RALYL: variants seen among roughly 807,000 people sequenced by gnomAD.
The protein encoded by RALYL is RNA-binding Raly-like protein.
In RALYL, 29 loss-of-function variants were observed where a neutral mutation model predicts 35.1. The ratio of observed to expected loss-of-function variants is 0.83; its 90% CI spans 0.61 to 1.13. The LOEUF is 1.13. RALYL is among the 50% of genes most tolerant of loss of function. The pLI is 0.00. For synonymous variants in RALYL, 120 were observed against 127.6 expected (o/e 0.94, Z 0.40); for missense variants, 359 against 360.4 (o/e 1.00, Z 0.03).
chr8:84,574,784 A>G (rs1455494717), intron 2 of RALYL, among the ~76,000 whole-genome samples: 1 of 152,196 alleles, frequency 6.6e-6, no homozygotes, highest in Non-Finnish European at 1.5e-5. Flanking sequence ...GGCTGAAAGT[A>G]GAATTAAGTA....
intron 1 of RALYL, among the ~76,000 whole-genome samples, chr8:84,457,220 C>T (rs879715753): frequency 2.6e-5 from 4 of 151,912 alleles, no homozygotes; most frequent in Admixed American, 2.0e-4. Flanking sequence ...GTTTTTCCCT[C>T]ACCCCTAAAT....
At chr8:84,762,106 G>T (rs923353947) in intron 2 of RALYL, among the ~76,000 whole-genome samples, 1 of 152,142 alleles carries the variant, frequency 6.6e-6, no homozygotes, top group Non-Finnish European at 1.5e-5. Flanking sequence ...TAGCTAAAGA[G>T]GAATAAAGGG....
intron 1 of RALYL, among the ~76,000 whole-genome samples, chr8:84,209,145 GA>G (rs748393117): frequency 2.3e-5 from 2 of 87,638 alleles, no homozygotes; most frequent in African/African-American, 4.3e-5. Context: ...AAAAAAAAAA[GA>G]AAAGAAAAGA....
At chr8:84,434,244 C>A (rs1373361172) in intron 1 of RALYL, among the ~76,000 whole-genome samples, 1 of 152,050 alleles carries the variant, frequency 6.6e-6, no homozygotes, top group Non-Finnish European at 1.5e-5. Context: ...GATTAGGGCC[C>A]ACCCTAATGA....
At chr8:84,876,483 AGT>A (rs1370051928) in intron 7 of RALYL, among the ~76,000 whole-genome samples, 2 of 152,348 alleles carry the variant, frequency 1.3e-5, no homozygotes, top group African/African-American at 4.8e-5. Flanking sequence ...GCCGCATATA[AGT>A]TGCCACATAT....
At chr8:84,727,782 G>A (rs1366578120) in intron 2 of RALYL, among the ~76,000 whole-genome samples, 1 of 151,932 alleles carries the variant, frequency 6.6e-6, no homozygotes, top group Admixed American at 6.6e-5. Context: ...TTTCATCCAT[G>A]TCCCTACAAA....
intron 2 of RALYL, among the ~76,000 whole-genome samples, chr8:84,765,771 A>C (rs980143535): frequency 1.3e-5 from 2 of 152,040 alleles, no homozygotes; most frequent in Non-Finnish European, 2.9e-5. Flanking sequence ...AAAGAGACAG[A>C]ATGACTTTTC....
chr8:84,477,998 C>T (rs903212230), intron 1 of RALYL, among the ~76,000 whole-genome samples: 1 of 151,888 alleles, frequency 6.6e-6, no homozygotes, highest in African/African-American at 2.4e-5. Context: ...AATAAATGAA[C>T]AGTTTTTAAA....
At chr8:84,608,655 G>T (rs1364143086) in intron 2 of RALYL, among the ~76,000 whole-genome samples, 2 of 152,120 alleles carry the variant, frequency 1.3e-5, no homozygotes, top group African/African-American at 4.8e-5. Flanking sequence ...GATAAAGTGT[G>T]CCTATCCTAA....
chr8:84,722,297 A>G (rs1379373139), intron 2 of RALYL, among the ~76,000 whole-genome samples: 1 of 152,030 alleles, frequency 6.6e-6, no homozygotes, highest in African/African-American at 2.4e-5. Flanking sequence ...AAAAAAGATA[A>G]AATTGTTAAA....
chr8:84,479,339 A>G lies in RALYL; in HGVS notation c.-23-49960A>G, dbSNP rs565208439. The stretch of plus-strand genomic sequence containing the variant: ...ATATTTTTCTCTTCCTTTCATAGAC[A>G]TTGTAATCAAAGATAGGCAACATAG... On this transcript the variant is annotated intron_variant, in intron 1 of 8. Coordinates refer to ENST00000521268, the MANE Select transcript of RALYL (RefSeq NM_173848.7). Among the ~76,000 whole-genome samples the G allele has an allele frequency of 5.9e-5, 9 of 152,174 alleles. No individual in the cohort carries two copies. In the East Asian group the frequency reaches 1.5e-3, roughly 26 times the overall value.
intron 1 of RALYL, among the ~76,000 whole-genome samples, chr8:84,452,229 A>G (rs982424929): frequency 1.5e-5 from 2 of 134,976 alleles, no homozygotes; most frequent in African/African-American, 2.8e-5. Flanking sequence ...TGTTGTTGAT[A>G]CTACTTTTTT....
chr8:84,662,774 C>T (rs1378783325), intron 2 of RALYL, among the ~76,000 whole-genome samples: 1 of 152,006 alleles, frequency 6.6e-6, no homozygotes, highest in Non-Finnish European at 1.5e-5. Context: ...TCTATTACTA[C>T]ATATTTATAT....
chr8:84,921,028 C>G lies in RALYL; in HGVS notation c.*117C>G. On this transcript the variant is annotated 3_prime_UTR_variant, in exon 9 of 9. Transcript: ENST00000521268. ...TCTTTGGTTCAATTTATATAAAAAC[C>G]CAAATAAATAAAATGGACAGTATTG... 1.8e-6 allele frequency: 1 copy of G among 542,230 alleles called. No homozygotes were observed. The highest frequency in any genetic ancestry group is 3.2e-6 in the Non-Finnish European group (1 of 316,190). 33.6% of individuals were successfully genotyped at this position (542,230 alleles called of 1,614,324 possible). A position where few individuals can be genotyped will look rare whatever the true frequency, so the allele number is the denominator to read the frequency against.
intron 1 of RALYL, among the ~76,000 whole-genome samples, chr8:84,357,098 C>T (rs1337394457): frequency 6.6e-6 from 1 of 152,024 alleles, no homozygotes; most frequent in Non-Finnish European, 1.5e-5. Flanking sequence ...ATTTTACTTG[C>T]AATCCTGCTG....
At chr8:84,220,278 A>G (rs998588892) in intron 1 of RALYL, among the ~76,000 whole-genome samples, 1 of 152,048 alleles carries the variant, frequency 6.6e-6, no homozygotes, top group Admixed American at 6.6e-5. Flanking sequence ...TATATATTCA[A>G]TAACTTGCTT....
chr8:84,315,286 C>A (rs1051922745), intron 1 of RALYL, among the ~76,000 whole-genome samples: 7 of 152,108 alleles, frequency 4.6e-5, no homozygotes, highest in Non-Finnish European at 1.0e-4. Flanking sequence ...TCAAAAGCAG[C>A]TTTCAAAAGG....
chr8:84,435,622 C>G (rs931708520), intron 1 of RALYL, among the ~76,000 whole-genome samples: 3 of 152,052 alleles, frequency 2.0e-5, no homozygotes, highest in Non-Finnish European at 4.4e-5. Context: ...AAGTGCTGTG[C>G]TTAAAACTTA....
At chr8:84,222,810 A>C (rs769818795) in intron 1 of RALYL, among the ~76,000 whole-genome samples, 1 of 152,118 alleles carries the variant, frequency 6.6e-6, no homozygotes, top group Non-Finnish European at 1.5e-5. Flanking sequence ...GAAAAATGCT[A>C]TAAGAAGATC....
Sources: gnomAD v4.1 joint callset for allele counts (sites outside exome capture counted in the v4.1 genomes callset) on GRCh38, gnomAD v4.1.1 for gene constraint, MANE v1.5 for transcripts, NCBI Gene and HGNC (gene_info 2026-07-23, HGNC 2026-07-21) for gene names.